DAGLB: variants seen among roughly 807,000 people sequenced by gnomAD.
The protein encoded by DAGLB is diacylglycerol lipase-beta.
Under a neutral mutation model 72.1 loss-of-function variants are expected in DAGLB, and 66 were observed. The observed-to-expected ratio is 0.92, with a 90% CI of 0.75 to 1.12. The LOEUF (loss-of-function observed/expected upper bound fraction) is 1.12. Ranked by LOEUF, DAGLB falls within the 50% of genes most tolerant of loss-of-function variation. The pLI, the probability that DAGLB is intolerant of heterozygous loss-of-function variation, is 0.00. For synonymous variants in DAGLB, 414 were observed against 359.5 expected, an observed-to-expected ratio of 1.15 and a Z score of -1.71; for missense variants, 1,065 against 884.9, an observed-to-expected ratio of 1.20 and a Z score of -2.58.
intron 9 of DAGLB, 63 bp from the exon 10 acceptor site, chr7:6,416,984 CA>C: frequency 6.4e-7 from 1 of 1,568,064 alleles, no homozygotes; most frequent in South Asian, 1.1e-5. Context: ...AGCAGAGACT[CA>C]AAGATGGGAT....
chr7:6,447,734 G>T lies in DAGLB; in HGVS notation c.95+14C>A. On this transcript the variant is annotated intron_variant, in intron 1 of 14. Coordinates refer to ENST00000297056, the MANE Select transcript of DAGLB (RefSeq NM_139179.4). ...TCCGGTGGGCTCCACCGCCCCCGTA[G>T]CCGCCGTCCTTACCACAGCACTCGC... is the stretch of plus-strand genomic sequence containing the variant. The T allele has an allele frequency of 1.9e-6, 3 of 1,609,222 alleles. No homozygotes were observed. Among genetic ancestry groups the T allele is most frequent in the Non-Finnish European group, 2.5e-6 (3 of 1,178,068 alleles).
intron 13 of DAGLB, 34 bp from the exon 14 acceptor site, chr7:6,410,414 A>G (rs1241736874): frequency 6.4e-7 from 1 of 1,563,898 alleles, no homozygotes; most frequent in Non-Finnish European, 8.7e-7. Context: ...GAATGCTGTC[A>G]CTCACCCTCT....
At chr7:6,425,951 A>C (rs371869467) in intron 7 of DAGLB, 37 bp downstream of exon 7, 69 of 1,610,024 alleles carry the variant, frequency 4.3e-5, no homozygotes, top group Non-Finnish European at 5.9e-5. Context: ...TCCAGGACCC[A>C]AAAGAAGTGA....
In DAGLB at chr7:6,447,844, G is replaced by A. The variant is rs537369625; in HGVS notation, c.-2C>T. On this transcript the variant is annotated 5_prime_UTR_variant, in exon 1 of 15. Coordinates refer to ENST00000297056, the MANE Select transcript of DAGLB (RefSeq NM_139179.4). ...GCCGAAGAGTACCATCCCCGGCATGGCGAAGGTCCCGTAGCTCGCACTCAG... is the reference window on the plus strand; with the variant it reads ...GCCGAAGAGTACCATCCCCGGCATGACGAAGGTCCCGTAGCTCGCACTCAG... 3 of 1,610,166 alleles carry A rather than the reference G, an allele frequency of 1.9e-6. No homozygotes were observed. The highest frequency in any genetic ancestry group is 2.2e-5 in the South Asian group (2 of 90,352).
At position 6,409,597 on chromosome 7, in the gene DAGLB, C is replaced by T. The variant is rs1368537257; in HGVS notation, c.*240G>A. The T allele has an allele frequency of 7.1e-6, 4 of 560,818 alleles. No individual in the cohort carries two copies. Among genetic ancestry groups the T allele is most frequent in the Non-Finnish European group, 9.5e-6 (3 of 316,014 alleles). 34.7% of individuals were successfully genotyped at this position (560,818 alleles called of 1,614,324 possible). On this transcript the variant is annotated 3_prime_UTR_variant, in exon 15 of 15. Coordinates refer to ENST00000297056, the MANE Select transcript of DAGLB (RefSeq NM_139179.4). ...CCAGGGCTTCCCGAGGCTGTCTCCA[C>T]GGTCGCTGGGTCTCAGGAGTCGTCC...
At chr7:6,419,529 A>T (rs1392557957) in intron 9 of DAGLB, among the ~76,000 whole-genome samples, 1 of 152,238 alleles carries the variant, frequency 6.6e-6, no homozygotes, top group Non-Finnish European at 1.5e-5. Flanking sequence ...TACCGTGGAC[A>T]GCGTCAGAGC....
chr7:6,444,578 C>T lies in DAGLB; in HGVS notation c.247+1375G>A, dbSNP rs556412439. 7.3e-5 allele frequency among the ~76,000 whole-genome samples: 11 copies of T among 151,248 alleles called. No homozygotes were observed. The East Asian group carries it at 1.2e-3, about 16-fold the overall frequency. On this transcript the variant is annotated intron_variant, in intron 2 of 14. Coordinates refer to ENST00000297056, the MANE Select transcript of DAGLB (RefSeq NM_139179.4). ...GAGCACGCCACTGCACTCCAGCCTG[C>T]GCAGCGGAGGGAGACTCTATCTCAA...
At chr7:6,437,362 C>T (rs568008077) in intron 2 of DAGLB, among the ~76,000 whole-genome samples, 1 of 152,092 alleles carries the variant, frequency 6.6e-6, no homozygotes, top group African/African-American at 2.4e-5. Context: ...TCTGTAATCC[C>T]CACAATGACT....
In DAGLB at chr7:6,434,840, C is replaced by T. The variant is rs368951817; in HGVS notation, c.600G>A (p.Leu200=). ...GGTCGTCTTTCCCAATGCAACAGCA[C>T]AAGAGCTTGATTCTGGTTTCCCACA... ...TSVWETRIKL[L]CCCIGKDDHT... Residue 200 remains leucine (L), a synonymous_variant, in exon 4 of 15, where the codon TTG becomes TTA. Transcript: ENST00000297056. 11 of 1,614,192 alleles carry T rather than the reference C, an allele frequency of 6.8e-6. No homozygotes were observed. Among genetic ancestry groups the T allele is most frequent in the Non-Finnish European group, 9.3e-6 (11 of 1,180,032 alleles).
Position 6,424,779 on chromosome 7 carries a change from G to T in DAGLB, c.1113C>A (p.Val371=). The T allele has an allele frequency of 6.2e-7, 1 of 1,613,704 alleles. No homozygotes were observed. Among genetic ancestry groups the T allele is most frequent in the Non-Finnish European group, 8.5e-7 (1 of 1,179,860 alleles). ...GCAGAGACATGGTCCCCCTCACAGCGACCACAACAGACTCTTTCCTGTGAT... is the reference window on the plus strand; with the variant it reads ...GCAGAGACATGGTCCCCCTCACAGCTACCACAACAGACTCTTTCCTGTGAT... The part of the protein sequence containing the change: ...ALDHRKESVV[V]AVRGTMSLQD... The change falls in exon 8 of 15, where the codon GTC becomes GTA. Residue 371 remains valine, a synonymous_variant. Transcript: ENST00000297056.
Position 6,426,053 on chromosome 7 carries a change from C to T in DAGLB, c.991G>A (p.Gly331Ser), listed in dbSNP as rs770024269. Reference protein sequence around the residue: ...VGGDQLNCHFGSILHTTGLQY... With the variant: ...VGGDQLNCHFSSILHTTGLQY... Reference sequence around the variant, plus strand: ...AGCCCTGTGGTGTGCAGGATGGAGCCGAAGTGACAGTTGAGCTGATCGCCT... The same window carrying T: ...AGCCCTGTGGTGTGCAGGATGGAGCTGAAGTGACAGTTGAGCTGATCGCCT... Residue 331 changes from glycine to serine, a missense_variant, in exon 7 of 15, where the codon GGC becomes AGC. Coordinates refer to ENST00000297056, the MANE Select transcript of DAGLB (RefSeq NM_139179.4). 7.4e-6 allele frequency: 12 copies of T among 1,614,036 alleles called. No homozygotes were observed. Among genetic ancestry groups the T allele is most frequent in the Admixed American group, 1.7e-5 (1 of 60,002 alleles).
intron 9 of DAGLB, chr7:6,417,212 T>C (rs55652018): frequency 0.014 from 4,291 of 297,638 alleles, 64 homozygotes; most frequent in South Asian, 0.035. Context: ...CTGGGCGACA[T>C]AGTCTCTACT....
rs1583297491 is a variant in DAGLB, at chr7:6,434,917, T to C, written c.523A>G (p.Ser175Gly). The C allele has an allele frequency of 1.2e-6, 2 of 1,614,114 alleles. No individual in the cohort carries two copies. The highest frequency in any genetic ancestry group is 1.7e-5 in the Admixed American group (1 of 59,998). ...YSSAGPSHLD[S>G]HDSSQLLNGL... is the part of the protein sequence containing the mutation. The stretch of plus-strand genomic sequence containing the variant: ...TTAAGTAACTGGCTTGAATCATGAC[T>C]ATCCAGGTGGCTGGGGCCGGCAGAG... The change falls in exon 4 of 15, where the codon AGT becomes GGT. Residue 175 changes from serine (S) to glycine (G), a missense_variant. Coordinates refer to ENST00000297056, the MANE Select transcript of DAGLB (RefSeq NM_139179.4).
chr7:6,434,072 A>T (rs836533), intron 4 of DAGLB, among the ~76,000 whole-genome samples: 10,254 of 152,188 alleles, frequency 0.067, 728 homozygotes, highest in African/African-American at 0.18. Flanking sequence ...GTCAGGCTCC[A>T]GGACCAGCCC....
At position 6,435,032 on chromosome 7, in the gene DAGLB, A is replaced by C; in HGVS notation, c.420-12T>G. 1 of 1,611,808 alleles carries C rather than the reference A, an allele frequency of 6.2e-7. No homozygotes were observed. Among genetic ancestry groups the C allele is most frequent in the East Asian group, 2.2e-5 (1 of 44,860 alleles). On this transcript the variant is annotated splice_polypyrimidine_tract_variant and intron_variant, in intron 3 of 14. Coordinates refer to ENST00000297056, the MANE Select transcript of DAGLB (RefSeq NM_139179.4). ...CGATGATGATCCAACTGCAAGACAGAGAGAGGAAAAGGCTCGGTGACTGCG... is the reference window on the plus strand; with the variant it reads ...CGATGATGATCCAACTGCAAGACAGCGAGAGGAAAAGGCTCGGTGACTGCG...
At chr7:6,426,228 G>C (rs897643416) in intron 6 of DAGLB, 114 bp from the exon 7 acceptor site, 2 of 1,464,666 alleles carry the variant, frequency 1.4e-6, no homozygotes, top group African/African-American at 1.4e-5. Context: ...CAATTCTCAG[G>C]ACTTAGCCTG....
chr7:6,446,102 C>A lies in DAGLB; in HGVS notation c.98G>T (p.Trp33Leu), dbSNP rs1253117336. 1.9e-6 allele frequency: 3 copies of A among 1,575,930 alleles called. No individual in the cohort carries two copies. The highest frequency in any genetic ancestry group is 2.6e-6 in the Non-Finnish European group (3 of 1,166,550). The change falls in exon 2 of 15, where the codon TGG becomes TTG. Residue 33 changes from tryptophan to leucine, a missense_variant and splice_region_variant. Coordinates refer to ENST00000297056, the MANE Select transcript of DAGLB (RefSeq NM_139179.4). ...FFELVVRVLW[W>L]IGILTLYLMH... ...GAGATACAACGTCAGAATGCCAATC[C>A]ACCTGGCAAAAAAAAAAAAGGGAAG...
chr7:6,413,572 G>A (rs569709673), intron 11 of DAGLB, among the ~76,000 whole-genome samples: 12 of 152,016 alleles, frequency 7.9e-5, no homozygotes, highest in African/African-American at 2.4e-4. Flanking sequence ...GGAGCTGGCA[G>A]TGAACTGAGA....
chr7:6,417,298 G>A lies in DAGLB; in HGVS notation c.1219-377C>T, dbSNP rs866085160. 25 of 171,260 alleles carry A rather than the reference G, an allele frequency of 1.5e-4. 1 individual carries two copies. Among genetic ancestry groups the A allele is most frequent in the Admixed American group, 1.4e-3 (24 of 16,574 alleles). 10.6% of individuals were successfully genotyped at this position (171,260 alleles called of 1,614,324 possible). On this transcript the variant is annotated intron_variant, in intron 9 of 14. Transcript: ENST00000297056. ...AAATTAACGGGGCTTGGTGGCGAGC[G>A]CCTATAGTCCAGCTACTCGGGAGGC...
Sources: gnomAD v4.1 joint callset for allele counts (sites outside exome capture counted in the v4.1 genomes callset) on GRCh38, gnomAD v4.1.1 for gene constraint, MANE v1.5 for transcripts, NCBI Gene and HGNC (gene_info 2026-07-23, HGNC 2026-07-21) for gene names.